The following SLC31A2 variants were observed in gnomAD, a reference collection of about 807,000 sequenced individuals.
SLC31A2 encodes solute carrier family 31 member 2.
In SLC31A2, 16 loss-of-function variants were observed where a neutral mutation model predicts 14.4. The ratio of observed to expected loss-of-function variants is 1.11; its 90% CI spans 0.75 to 1.69. SLC31A2 has a LOEUF of 1.69. Ranked by LOEUF, SLC31A2 falls within the 40% of genes most tolerant of loss-of-function variation. SLC31A2 has a pLI of 0.00. For missense variants in SLC31A2, 140 were observed against 173.9 expected, an observed-to-expected ratio of 0.81 and a Z score of 1.10; for synonymous variants, 56 against 68.7, an observed-to-expected ratio of 0.82 and a Z score of 0.91.
chr9:113,154,380 TGGGA>T (rs1350943067), intron 1 of SLC31A2, among the ~76,000 whole-genome samples: 1 of 152,166 alleles, frequency 6.6e-6, no homozygotes, highest in East Asian at 1.9e-4. Flanking sequence ...CTGGCAGAGC[TGGGA>T]GGGAGATCCA....
intron 3 of SLC31A2, chr9:113,162,443 T>G (rs948116900): frequency 3.1e-5 from 8 of 256,994 alleles, no homozygotes; most frequent in African/African-American, 1.8e-4. Flanking sequence ...TATGCCTTAC[T>G]GATGATTTTC....
chr9:113,161,442 G>T, intron 2 of SLC31A2, 67 bp from the exon 3 acceptor site: 1 of 1,416,740 alleles, frequency 7.1e-7, no homozygotes, highest in Non-Finnish European at 9.9e-7. Flanking sequence ...CCATGAACAG[G>T]TGGAGGTGCT....
At chr9:113,160,155 T>C (rs999900239) in intron 2 of SLC31A2, among the ~76,000 whole-genome samples, 16 of 151,986 alleles carry the variant, frequency 1.1e-4, no homozygotes, top group African/African-American at 3.6e-4. Flanking sequence ...TGAGCCAAGA[T>C]TGCGCCACTG....
chr9:113,154,285 G>A (rs1829905616), intron 1 of SLC31A2, among the ~76,000 whole-genome samples: 1 of 152,190 alleles, frequency 6.6e-6, no homozygotes, highest in Non-Finnish European at 1.5e-5. Context: ...GGTTCCTAGA[G>A]TCCTGTCCTC....
At chr9:113,153,987 T>G (rs1044094243) in intron 1 of SLC31A2, among the ~76,000 whole-genome samples, 4 of 152,132 alleles carry the variant, frequency 2.6e-5, no homozygotes, top group African/African-American at 4.8e-5. Context: ...TGTTGTTGTT[T>G]TTGAGACAGA....
At chr9:113,162,634 G>A (rs1366345488) in intron 3 of SLC31A2, 115 bp from the exon 4 acceptor site, 2 of 979,444 alleles carry the variant, frequency 2.0e-6, no homozygotes, top group Non-Finnish European at 3.0e-6. Flanking sequence ...AAGCATACAA[G>A]TTATAAATCA....
intron 1 of SLC31A2, among the ~76,000 whole-genome samples, chr9:113,156,593 A>AC (rs1462483438): frequency 1.3e-5 from 2 of 152,240 alleles, no homozygotes; most frequent in African/African-American, 2.4e-5. Context: ...CTAGCTGATT[A>AC]CAACTCAGCC....
intron 1 of SLC31A2, among the ~76,000 whole-genome samples, chr9:113,152,613 C>T (rs984410380): frequency 6.6e-6 from 1 of 152,330 alleles, no homozygotes; most frequent in African/African-American, 2.4e-5. Context: ...ACTGTGCCTC[C>T]CTTTCTCTGA....
chr9:113,154,014 C>A (rs1377633200), intron 1 of SLC31A2, among the ~76,000 whole-genome samples: 1 of 152,152 alleles, frequency 6.6e-6, no homozygotes, highest in Admixed American at 6.5e-5. Flanking sequence ...CTCTATTACT[C>A]AGGCTGGAGT....
chr9:113,152,009 C>T (rs1462169215), intron 1 of SLC31A2: 1 of 152,142 alleles, frequency 6.6e-6, no homozygotes, highest in East Asian at 1.9e-4. Flanking sequence ...AAATGATCAG[C>T]CGTCCTTTAA....
In SLC31A2 at chr9:113,163,367, T is replaced by A. The variant is rs1830048055; in HGVS notation, c.*450T>A. The A allele has an allele frequency of 6.5e-6, 1 of 153,502 alleles. No homozygotes were observed. Among genetic ancestry groups the A allele is most frequent in the South Asian group, 2.1e-4 (1 of 4,850 alleles). 9.5% of individuals were successfully genotyped at this position (153,502 alleles called of 1,614,324 possible). A position where few individuals can be genotyped will look rare whatever the true frequency, so the allele number is the denominator to read the frequency against. ...GCCCATTGGACTTCCTGACCTCTTC[T>A]GTCTTTGAGGGACAGAGACCAAGCT... On this transcript the variant is annotated 3_prime_UTR_variant, in exon 4 of 4. Coordinates refer to ENST00000259392, the MANE Select transcript of SLC31A2 (RefSeq NM_001860.3).
intron 2 of SLC31A2, chr9:113,158,121 T>A (rs1829957883): frequency 4.1e-6 from 2 of 490,396 alleles, no homozygotes; most frequent in Non-Finnish European, 8.3e-6. Context: ...GAGCCACTAC[T>A]AGATCAAGGC....
chr9:113,162,867 G>T lies in SLC31A2; in HGVS notation c.382G>T (p.Gly128Cys). ...NTWIFLGVVL[G>C]SAVGYYLAYP... ...CTGGATTTTCCTTGGTGTGGTCTTG[G>T]GCTCTGCTGTGGGCTACTACCTAGC... is the stretch of plus-strand genomic sequence containing the variant. The change falls in exon 4 of 4, where the codon GGC becomes TGC. Residue 128 changes from glycine (G) to cysteine (C), a missense_variant. Transcript: ENST00000259392. The T allele has an allele frequency of 6.2e-7, 1 of 1,613,358 alleles. No individual in the cohort carries two copies.
At chr9:113,160,211 A>AG (rs1829990456) in intron 2 of SLC31A2, among the ~76,000 whole-genome samples, 7 of 151,966 alleles carry the variant, frequency 4.6e-5, no homozygotes, top group Admixed American at 3.9e-4. Flanking sequence ...AAAAAAAAAA[A>AG]GTACAATGAA....
intron 1 of SLC31A2, 26 bp from the exon 2 acceptor site, chr9:113,157,701 A>C: frequency 6.3e-7 from 1 of 1,594,582 alleles, no homozygotes; most frequent in Non-Finnish European, 8.6e-7. Flanking sequence ...CTGTGCCCCT[A>C]TGATGCAGAT....
At chr9:113,162,283 C>T (rs1389369077) in intron 3 of SLC31A2, 1 of 234,056 alleles carries the variant, frequency 4.3e-6, no homozygotes, top group Non-Finnish European at 8.4e-6. Context: ...TCCTGTTTTA[C>T]TGATAAGGAA....
At chr9:113,161,961 C>T (rs1830020699) in intron 3 of SLC31A2, 1 of 559,768 alleles carries the variant, frequency 1.8e-6, no homozygotes, top group Non-Finnish European at 3.2e-6. Flanking sequence ...AGGTGCAGGC[C>T]CCTATCTAGC....
At position 113,151,204 on chromosome 9, in the gene SLC31A2, C is replaced by A; in HGVS notation, c.6+124C>A. The stretch of plus-strand genomic sequence containing the variant: ...GGGCTGGTGAAGGGTGTGTTGGCAG[C>A]ATTGCCAACAGCTGGAACAGGGTTG... On this transcript the variant is annotated intron_variant, in intron 1 of 3. Transcript: ENST00000259392. The surrounding 1 kb of genome is among the most constrained non-coding windows in gnomAD (Gnocchi z 4.2). The A allele has an allele frequency of 1.0e-6, 1 of 993,498 alleles. No homozygotes were observed. The highest frequency in any genetic ancestry group is 1.3e-6 in the Non-Finnish European group (1 of 755,128). The allele number at this position is 993,498 out of a possible 1,614,324, so 61.5% of individuals were successfully genotyped here. A position where few individuals can be genotyped will look rare whatever the true frequency, so the allele number is the denominator to read the frequency against.
chr9:113,155,086 C>T (rs959432876), intron 1 of SLC31A2, among the ~76,000 whole-genome samples: 1 of 152,238 alleles, frequency 6.6e-6, no homozygotes, highest in Non-Finnish European at 1.5e-5. Flanking sequence ...CGAACGACAG[C>T]ACAGCCCTCA....
Sources: allele counts gnomAD v4.1 joint callset (sites outside exome capture counted in the v4.1 genomes callset), GRCh38; gene constraint gnomAD v4.1.1; non-coding constraint Gnocchi (gnomAD v3.1); transcripts MANE v1.5; gene names NCBI Gene and HGNC (gene_info 2026-07-23, HGNC 2026-07-21).